The following DPP10 variants were observed in gnomAD, a reference collection of about 807,000 sequenced individuals.
DPP10 encodes the protein dipeptidyl peptidase like 10, also known as inactive dipeptidyl peptidase 10.
DPP10 carries 33 observed loss-of-function variants against 120.9 expected under a neutral mutation model. That is an observed-to-expected ratio of 0.27 (90% confidence interval 0.21 to 0.37). The LOEUF is 0.37. Ranked by LOEUF, DPP10 falls within the 10% of genes least tolerant of loss-of-function variation. DPP10 has a pLI of 1.00. For missense variants in DPP10, 816 were observed against 942.8 expected, an observed-to-expected ratio of 0.87 and a Z score of 1.76; for synonymous variants, 337 against 326.1, an observed-to-expected ratio of 1.03 and a Z score of -0.36.
At chr2:115,716,688 A>T (rs1471573040) in intron 7 of DPP10, among the ~76,000 whole-genome samples, 2 of 152,176 alleles carry the variant, frequency 1.3e-5, no homozygotes. Flanking sequence ...ATAGTAAAAA[A>T]AAAGTTGGAT....
At chr2:114,898,744 G>A (rs933988309) in intron 1 of DPP10, among the ~76,000 whole-genome samples, 3 of 152,162 alleles carry the variant, frequency 2.0e-5, no homozygotes, top group African/African-American at 7.2e-5. Context: ...TCACAAGAAT[G>A]CAGCTCTCAA....
chr2:114,703,216 T>C (rs1164470474), intron 1 of DPP10, among the ~76,000 whole-genome samples: 1 of 152,042 alleles, frequency 6.6e-6, no homozygotes, highest in Admixed American at 6.6e-5. Flanking sequence ...GCATTCTTTT[T>C]CAAAAAAAAT....
intron 5 of DPP10, among the ~76,000 whole-genome samples, chr2:115,584,309 G>A (rs2149139659): frequency 6.6e-6 from 1 of 152,308 alleles, no homozygotes; most frequent in East Asian, 1.9e-4. Flanking sequence ...GCAGAGGTGA[G>A]CAAACGTAGT....
intron 5 of DPP10, among the ~76,000 whole-genome samples, chr2:115,541,606 A>G (rs867608621): frequency 5.1e-4 from 78 of 152,020 alleles, no homozygotes; most frequent in African/African-American, 1.6e-3. Flanking sequence ...CTGCTGGATA[A>G]TAACAGAGCT....
intron 4 of DPP10, among the ~76,000 whole-genome samples, chr2:115,509,466 A>C (rs2077114142): frequency 2.6e-5 from 4 of 152,114 alleles, no homozygotes; most frequent in Admixed American, 2.6e-4. Context: ...GTATGGTTGG[A>C]TGAAAATATC....
chr2:114,683,682 G>C (rs941653880), intron 1 of DPP10, among the ~76,000 whole-genome samples: 1 of 151,514 alleles, frequency 6.6e-6, no homozygotes. Flanking sequence ...TATGAGAGAA[G>C]GTTTTCTTCG....
chr2:115,449,533 T>A (rs933503829), intron 3 of DPP10, among the ~76,000 whole-genome samples: 2 of 152,114 alleles, frequency 1.3e-5, no homozygotes, highest in South Asian at 4.1e-4. Context: ...GACACATGAA[T>A]GTGCAACATA....
intron 1 of DPP10, among the ~76,000 whole-genome samples, chr2:115,182,446 A>C (rs1327022473): frequency 6.6e-6 from 1 of 152,218 alleles, no homozygotes; most frequent in African/African-American, 2.4e-5. Flanking sequence ...AAGCTTTTTC[A>C]GATGGTTGGG....
chr2:114,956,986 C>CA (rs764400761), intron 1 of DPP10, among the ~76,000 whole-genome samples: 11,129 of 106,856 alleles, frequency 0.1, 561 homozygotes, highest in African/African-American at 0.15. Context: ...TAAAACTATT[C>CA]AAAAAAAAAA....
At chr2:115,639,437 A>G (rs2086600437) in intron 5 of DPP10, among the ~76,000 whole-genome samples, 1 of 152,194 alleles carries the variant, frequency 6.6e-6, no homozygotes, top group East Asian at 1.9e-4. Flanking sequence ...AACTAGGAAG[A>G]CAGTGGCAAA....
intron 1 of DPP10, among the ~76,000 whole-genome samples, chr2:115,003,989 C>A (rs1701634407): frequency 6.6e-6 from 1 of 152,050 alleles, no homozygotes; most frequent in African/African-American, 2.4e-5. Flanking sequence ...GTTTATTCAC[C>A]AATTCAAGTA....
chr2:114,913,738 A>G (rs953687401), intron 1 of DPP10, among the ~76,000 whole-genome samples: 1 of 152,244 alleles, frequency 6.6e-6, no homozygotes, highest in Non-Finnish European at 1.5e-5. Context: ...AATTACAGAC[A>G]TAGGATTCAG....
At chr2:114,554,277 A>G (rs746700148) in intron 1 of DPP10, among the ~76,000 whole-genome samples, 9 of 152,190 alleles carry the variant, frequency 5.9e-5, no homozygotes, top group Non-Finnish European at 1.2e-4. Context: ...TCCACTGAGG[A>G]CTGAATAGAA....
intron 1 of DPP10, among the ~76,000 whole-genome samples, chr2:114,800,608 G>A (rs1448460718): frequency 1.3e-5 from 2 of 152,208 alleles, no homozygotes; most frequent in East Asian, 1.9e-4. Flanking sequence ...TATTAGAGAA[G>A]GGGACTGATT....
At chr2:115,672,049 C>G (rs2089918376) in intron 5 of DPP10, among the ~76,000 whole-genome samples, 1 of 152,146 alleles carries the variant, frequency 6.6e-6, no homozygotes, top group Non-Finnish European at 1.5e-5. Flanking sequence ...ATCATATACT[C>G]AGTATTGACA....
intron 3 of DPP10, among the ~76,000 whole-genome samples, chr2:115,395,521 C>G (rs1405387757): frequency 6.6e-6 from 1 of 152,114 alleles, no homozygotes; most frequent in Non-Finnish European, 1.5e-5. Flanking sequence ...AAAAACATCG[C>G]TTTCTTCCCA....
At chr2:115,799,266 G>C (rs2149957478) in intron 19 of DPP10, among the ~76,000 whole-genome samples, 1 of 151,774 alleles carries the variant, frequency 6.6e-6, no homozygotes, top group East Asian at 1.9e-4. Flanking sequence ...ATAAATCTAT[G>C]TTGCACAAAA....
intron 3 of DPP10, among the ~76,000 whole-genome samples, chr2:115,362,138 G>A (rs914501506): frequency 3.9e-5 from 6 of 152,050 alleles, no homozygotes; most frequent in Non-Finnish European, 7.4e-5. Flanking sequence ...GAGAACTTTG[G>A]ATAACTATCA....
In DPP10 at chr2:115,500,201, A is replaced by G. The variant is rs182236472; in HGVS notation, c.366+597A>G. On this transcript the variant is annotated intron_variant, in intron 4 of 25. Transcript: ENST00000410059. ...AAATCTAGTACCCTAAGGTTAGGAG[A>G]CTTAGCTATAATTACCTATTTGGTA... 2.4e-3 allele frequency among the ~76,000 whole-genome samples: 366 copies of G among 152,106 alleles called. 6 individuals carry two copies. Among genetic ancestry groups the G allele is most frequent in the Middle Eastern group, 0.014 (4 of 294 alleles).
Sources: gnomAD v4.1 joint callset for allele counts (sites outside exome capture counted in the v4.1 genomes callset) on GRCh38, gnomAD v4.1.1 for gene constraint, MANE v1.5 for transcripts, NCBI Gene and HGNC (gene_info 2026-07-23, HGNC 2026-07-21) for gene names.